EBF1: variants seen among roughly 807,000 people sequenced by gnomAD.
EBF1 encodes the protein transcription factor COE1.
In EBF1, 10 loss-of-function variants were observed where a neutral mutation model predicts 68.4. That is an observed-to-expected ratio of 0.15 (90% confidence interval 0.09 to 0.25). EBF1 has a LOEUF of 0.25. Ranked by LOEUF, EBF1 falls within the 10% of genes least tolerant of loss-of-function variation. EBF1 has a pLI of 1.00. For missense variants in EBF1, 509 were observed against 794.4 expected (o/e 0.64, Z 4.32); for synonymous variants, 298 against 299.8 (o/e 0.99, Z 0.06).
intron 6 of EBF1, among the ~76,000 whole-genome samples, chr5:158,880,902 TG>T (rs1399510829): frequency 3.3e-5 from 5 of 152,126 alleles, no homozygotes; most frequent in Admixed American, 6.5e-5. Context: ...AAGGTGGAAA[TG>T]TCATTCACCC....
intron 6 of EBF1, among the ~76,000 whole-genome samples, chr5:158,963,999 G>A (rs140875857): frequency 6.6e-4 from 100 of 152,262 alleles, no homozygotes; most frequent in South Asian, 3.5e-3. Flanking sequence ...ATGCTATGAC[G>A]GAGAAAGAGT....
chr5:158,930,127 GT>G (rs1210594549), intron 6 of EBF1, among the ~76,000 whole-genome samples: 1 of 151,744 alleles, frequency 6.6e-6, no homozygotes, highest in Non-Finnish European at 1.5e-5. Context: ...GTACTTTTGA[GT>G]GTTAGAAATA....
At chr5:158,775,557 A>T (rs1463446731) in intron 10 of EBF1, among the ~76,000 whole-genome samples, 1 of 152,000 alleles carries the variant, frequency 6.6e-6, no homozygotes, top group East Asian at 1.9e-4. Context: ...GTTTTCGGCC[A>T]AAAACAGAGT....
At chr5:158,704,950 G>A (rs1166965349) in intron 15 of EBF1, among the ~76,000 whole-genome samples, 1 of 152,140 alleles carries the variant, frequency 6.6e-6, no homozygotes, top group African/African-American at 2.4e-5. Flanking sequence ...TCAAAAGTAG[G>A]GATATTTGGT....
At chr5:158,712,033 C>G in intron 14 of EBF1, 121 bp downstream of exon 14, 1 of 1,235,726 alleles carries the variant, frequency 8.1e-7, no homozygotes, top group South Asian at 1.4e-5. Flanking sequence ...AGGGGAGTGC[C>G]TTACAGGAGG....
chr5:159,022,258 G>A (rs1766863204), intron 6 of EBF1, among the ~76,000 whole-genome samples: 1 of 152,162 alleles, frequency 6.6e-6, no homozygotes, highest in Non-Finnish European at 1.5e-5. Flanking sequence ...AAAGCTTACA[G>A]AACTATTATC....
intron 15 of EBF1, among the ~76,000 whole-genome samples, chr5:158,699,387 C>T (rs772632155): frequency 1.3e-4 from 19 of 148,400 alleles, no homozygotes; most frequent in South Asian, 4.2e-4. Context: ...CTAAACATCT[C>T]TCCAAATCTG....
chr5:159,003,095 G>T (rs571118937), intron 6 of EBF1, among the ~76,000 whole-genome samples: 7 of 152,256 alleles, frequency 4.6e-5, no homozygotes, highest in African/African-American at 1.4e-4. Context: ...TTTATCAAGG[G>T]TTATTGCTGC....
intron 6 of EBF1, among the ~76,000 whole-genome samples, chr5:158,844,159 C>T (rs559707736): frequency 6.7e-6 from 1 of 149,422 alleles, no homozygotes; most frequent in East Asian, 2.0e-4. Context: ...AACAGCCTGA[C>T]CAGGATCAAA....
chr5:159,042,738 C>A (rs1169997243), intron 6 of EBF1, among the ~76,000 whole-genome samples: 1 of 151,830 alleles, frequency 6.6e-6, no homozygotes, highest in Non-Finnish European at 1.5e-5. Flanking sequence ...AGCCCTCCTA[C>A]TTATTAATAT....
At chr5:159,014,506 G>A (rs1374581807) in intron 6 of EBF1, among the ~76,000 whole-genome samples, 1 of 152,200 alleles carries the variant, frequency 6.6e-6, no homozygotes, top group Non-Finnish European at 1.5e-5. Flanking sequence ...GCACAAGTGA[G>A]AACAAGTAAT....
chr5:158,902,621 C>CATT (rs932220886), intron 6 of EBF1, among the ~76,000 whole-genome samples: 10 of 138,508 alleles, frequency 7.2e-5, no homozygotes, highest in East Asian at 4.0e-4. Flanking sequence ...TTATTATTAT[C>CATT]ATTATTATTA....
At chr5:158,903,375 C>T (rs567812199) in intron 6 of EBF1, among the ~76,000 whole-genome samples, 1 of 152,012 alleles carries the variant, frequency 6.6e-6, no homozygotes, top group Non-Finnish European at 1.5e-5. Flanking sequence ...GTGCCCTTAT[C>T]AGCCAACTTC....
chr5:158,817,119 C>T (rs1028452941), intron 8 of EBF1, among the ~76,000 whole-genome samples: 6 of 152,144 alleles, frequency 3.9e-5, no homozygotes, highest in African/African-American at 1.2e-4. Flanking sequence ...CTCACAGCCA[C>T]CCTAGTCTCA....
chr5:158,819,561 C>T (rs1214480464), intron 8 of EBF1, among the ~76,000 whole-genome samples: 3 of 152,122 alleles, frequency 2.0e-5, no homozygotes, highest in African/African-American at 7.2e-5. Flanking sequence ...CCCTCAATGA[C>T]TCCCCAGAAC....
At chr5:158,707,935 T>A in intron 15 of EBF1, 44 bp downstream of exon 15, 2 of 1,534,804 alleles carry the variant, frequency 1.3e-6, no homozygotes, top group Non-Finnish European at 1.8e-6. Context: ...GAGGGTGAAG[T>A]CAGGGCATTG....
At chr5:158,912,848 A>T (rs7705818) in intron 6 of EBF1, among the ~76,000 whole-genome samples, 93 of 152,340 alleles carry the variant, frequency 6.1e-4, no homozygotes, top group African/African-American at 2.0e-3. Flanking sequence ...GATGTAGCAC[A>T]TGAAAAAGGT....
chr5:158,779,935 CAG>C (rs1456602003), intron 9 of EBF1, among the ~76,000 whole-genome samples: 3 of 152,104 alleles, frequency 2.0e-5, no homozygotes, highest in Non-Finnish European at 4.4e-5. Context: ...CTAACTAAAG[CAG>C]AGATTCCTTC....
intron 6 of EBF1, among the ~76,000 whole-genome samples, chr5:158,917,445 T>C (rs1249074064): frequency 2.6e-5 from 4 of 152,196 alleles, no homozygotes; most frequent in African/African-American, 7.2e-5. Flanking sequence ...CCTACCTGGA[T>C]ACCAGCTCCA....
Sources: gnomAD v4.1 joint callset for allele counts (sites outside exome capture counted in the v4.1 genomes callset) on GRCh38, gnomAD v4.1.1 for gene constraint, MANE v1.5 for transcripts, NCBI Gene and HGNC (gene_info 2026-07-23, HGNC 2026-07-21) for gene names.